DPYD: variants seen among roughly 807,000 people sequenced by gnomAD.
DPYD encodes dihydropyrimidine dehydrogenase [NADP(+)].
DPYD carries 109 observed loss-of-function variants against 116.2 expected under a neutral mutation model. The ratio of observed to expected loss-of-function variants is 0.94; its 90% confidence interval spans 0.80 to 1.10. DPYD has a LOEUF of 1.10. Ranked by LOEUF, DPYD falls within the 50% of genes least tolerant of loss-of-function variation. The pLI is 0.00. For missense variants in DPYD, 1,302 were observed against 1,254.5 expected (o/e 1.04, Z -0.57); for synonymous variants, 440 against 432.0 (o/e 1.02, Z -0.23).
At chr1:97,683,995 A>G (rs1157914592) in intron 7 of DPYD, among the ~76,000 whole-genome samples, 1 of 152,156 alleles carries the variant, frequency 6.6e-6, no homozygotes, top group Non-Finnish European at 1.5e-5. Flanking sequence ...AATGAAAATG[A>G]AGTAAGTTTA....
chr1:97,545,665 G>A (rs1319845754), intron 12 of DPYD: 6 of 670,842 alleles, frequency 8.9e-6, no homozygotes, highest in African/African-American at 3.6e-5. Flanking sequence ...GAGTTACACA[G>A]CAGGAGGTAA....
At chr1:97,877,076 G>A (rs1671958466) in intron 2 of DPYD, among the ~76,000 whole-genome samples, 1 of 151,996 alleles carries the variant, frequency 6.6e-6, no homozygotes, top group Non-Finnish European at 1.5e-5. Context: ...GAGAATCTGT[G>A]ACTCGACAAA....
At chr1:97,534,512 C>T (rs1476354646) in intron 12 of DPYD, among the ~76,000 whole-genome samples, 8 of 152,124 alleles carry the variant, frequency 5.3e-5, no homozygotes, top group Admixed American at 5.2e-4. Context: ...CTACCCCCAG[C>T]ATTGCCATTA....
intron 16 of DPYD, among the ~76,000 whole-genome samples, chr1:97,348,552 G>T (rs911745647): frequency 6.6e-6 from 1 of 152,136 alleles, no homozygotes; most frequent in African/African-American, 2.4e-5. Flanking sequence ...TGGCTTACAT[G>T]GAAGGAAGAA....
At chr1:97,382,632 G>A (rs1037052638) in intron 14 of DPYD, among the ~76,000 whole-genome samples, 171 bp from the exon 15 acceptor site, 1 of 152,076 alleles carries the variant, frequency 6.6e-6, no homozygotes, top group African/African-American at 2.4e-5. Flanking sequence ...CAAAACACTG[G>A]ATGACATTTG....
chr1:97,694,752 T>C (rs1243639404), intron 6 of DPYD, among the ~76,000 whole-genome samples: 3 of 152,176 alleles, frequency 2.0e-5, no homozygotes, highest in African/African-American at 7.2e-5. Context: ...AAAACCATTA[T>C]AAAACTTACT....
chr1:97,404,764 T>C (rs1035403824), intron 14 of DPYD, among the ~76,000 whole-genome samples: 1 of 152,002 alleles, frequency 6.6e-6, no homozygotes, highest in Non-Finnish European at 1.5e-5. Context: ...TTGGCGTATT[T>C]AGATCATTGA....
intron 13 of DPYD, among the ~76,000 whole-genome samples, chr1:97,512,863 C>T (rs1016534366): frequency 6.6e-6 from 1 of 151,724 alleles, no homozygotes; most frequent in Non-Finnish European, 1.5e-5. Flanking sequence ...TAAATAGAAT[C>T]TCAAGAAAAG....
chr1:97,622,347 T>C (rs1354889573), intron 8 of DPYD, among the ~76,000 whole-genome samples: 1 of 151,850 alleles, frequency 6.6e-6, no homozygotes, highest in Non-Finnish European at 1.5e-5. Context: ...AGTTTAATCA[T>C]GAGAAAAAAC....
At chr1:97,359,306 C>A (rs1255484345) in intron 16 of DPYD, among the ~76,000 whole-genome samples, 1 of 152,104 alleles carries the variant, frequency 6.6e-6, no homozygotes, top group South Asian at 2.1e-4. Context: ...ATATGGGACT[C>A]TGTGAAAATA....
rs756613407 is a variant in DPYD at position 97,515,791 on chromosome 1, T to C, written c.1675A>G (p.Met559Val). 10 of 1,613,026 alleles carry C rather than the reference T, an allele frequency of 6.2e-6. No individual in the cohort carries two copies. In the African/African-American group the frequency reaches 6.7e-5, roughly 11 times the overall value. Reference sequence around the variant, plus strand: ...CCAGCTTCAAAAGCTCTTCGAATCATTGATGTGCTGGTGGCTGGAGTTGCG... The same window carrying C: ...CCAGCTTCAAAAGCTCTTCGAATCACTGATGTGCTGGTGGCTGGAGTTGCG... ...ASATPATSTS[M>V]IRRAFEAGWG... is the part of the protein sequence containing the mutation. Residue 559 changes from methionine to valine, a missense_variant, in exon 13 of 23, where the codon ATG becomes GTG. Met to Val is a conservative substitution (Grantham distance 21). Coordinates refer to ENST00000370192, the MANE Select transcript of DPYD (RefSeq NM_000110.4).
intron 12 of DPYD, among the ~76,000 whole-genome samples, chr1:97,543,137 A>C (rs1650578374): frequency 6.6e-6 from 1 of 152,188 alleles, no homozygotes; most frequent in African/African-American, 2.4e-5. Context: ...AATAATAATA[A>C]TTTATAATTG....
At chr1:97,869,425 T>C (rs1671551624) in intron 2 of DPYD, among the ~76,000 whole-genome samples, 1 of 151,758 alleles carries the variant, frequency 6.6e-6, no homozygotes, top group African/African-American at 2.4e-5. Flanking sequence ...AGAGGCTGTA[T>C]GTGAGGGGGT....
intron 18 of DPYD, among the ~76,000 whole-genome samples, chr1:97,304,591 C>A (rs928477137): frequency 2.0e-5 from 3 of 151,962 alleles, no homozygotes; most frequent in South Asian, 4.1e-4. Context: ...CTTTCTCTAT[C>A]ACCAAGGAGA....
intron 16 of DPYD, among the ~76,000 whole-genome samples, chr1:97,309,712 C>T (rs536920993): frequency 3.3e-5 from 5 of 151,844 alleles, no homozygotes; most frequent in South Asian, 2.1e-4. Flanking sequence ...AATCAAACAA[C>T]GGTGACAACA....
chr1:97,720,975 AT>A, intron 5 of DPYD: 2 of 1,591,818 alleles, frequency 1.3e-6, no homozygotes, highest in Non-Finnish European at 1.7e-6. Flanking sequence ...TTCCTTATAC[AT>A]TTTTTACCCA....
intron 2 of DPYD, among the ~76,000 whole-genome samples, chr1:97,871,051 T>G (rs1671634281): frequency 1.3e-5 from 2 of 151,958 alleles, no homozygotes; most frequent in South Asian, 4.1e-4. Context: ...TTTTGCTGAT[T>G]TCTTTTGTTC....
At chr1:97,247,445 G>A (rs901489013) in intron 18 of DPYD, among the ~76,000 whole-genome samples, 1 of 152,146 alleles carries the variant, frequency 6.6e-6, no homozygotes, top group Non-Finnish European at 1.5e-5. Context: ...GTTTCAAGCT[G>A]TGCATATCTG....
chr1:97,181,346 C>T (rs982807068), intron 20 of DPYD, among the ~76,000 whole-genome samples: 2 of 152,070 alleles, frequency 1.3e-5, no homozygotes, highest in African/African-American at 2.4e-5. Context: ...TCAGCCCCTC[C>T]CCTAATGGTT....
Sources: allele counts gnomAD v4.1 joint callset (sites outside exome capture counted in the v4.1 genomes callset), GRCh38; gene constraint gnomAD v4.1.1; transcripts MANE v1.5; gene names NCBI Gene and HGNC (gene_info 2026-07-23, HGNC 2026-07-21).